UBE2H: variants seen among roughly 807,000 people sequenced by gnomAD.
UBE2H encodes the protein ubiquitin conjugating enzyme E2 H, also known as ubiquitin-conjugating enzyme E2 H.
Under a neutral mutation model 29.0 loss-of-function variants are expected in UBE2H, and 3 were observed. The observed-to-expected ratio is 0.10, with a 90% CI of 0.05 to 0.27. The LOEUF is 0.27. UBE2H is among the 10% of genes least tolerant of loss of function. UBE2H has a pLI of 1.00. For synonymous variants in UBE2H, 69 were observed against 82.9 expected, an observed-to-expected ratio of 0.83 and a Z score of 0.91; for missense variants, 68 against 228.2, an observed-to-expected ratio of 0.30 and a Z score of 4.52.
chr7:129,881,014 C>T (rs375457898), intron 1 of UBE2H, 43 bp from the exon 2 acceptor site: 1 of 1,571,420 alleles, frequency 6.4e-7, no homozygotes, highest in Non-Finnish European at 8.7e-7. Flanking sequence ...TTTACAGTAT[C>T]TGGCAGAATT....
At chr7:129,925,769 A>T (rs1033918395) in intron 1 of UBE2H, among the ~76,000 whole-genome samples, 3 of 152,182 alleles carry the variant, frequency 2.0e-5, no homozygotes, top group Non-Finnish European at 4.4e-5. Context: ...CCACTGCATG[A>T]AACAGTGACG....
At chr7:129,921,216 A>G (rs1307143331) in intron 1 of UBE2H, among the ~76,000 whole-genome samples, 1 of 152,064 alleles carries the variant, frequency 6.6e-6, no homozygotes, top group Non-Finnish European at 1.5e-5. Flanking sequence ...TGAGGGTCCA[A>G]TTGTACTCAT....
intron 3 of UBE2H, among the ~76,000 whole-genome samples, chr7:129,862,618 C>T (rs1173679727): frequency 6.6e-6 from 1 of 151,980 alleles, no homozygotes; most frequent in Non-Finnish European, 1.5e-5. Context: ...CACCTGGTAC[C>T]AAGAGGAGAG....
At chr7:129,923,325 C>A (rs920417427) in intron 1 of UBE2H, among the ~76,000 whole-genome samples, 1 of 152,140 alleles carries the variant, frequency 6.6e-6, no homozygotes, top group Non-Finnish European at 1.5e-5. Context: ...TATGTGGCAG[C>A]TAAAATAAAG....
Position 129,857,531 on chromosome 7 carries a change from T to C in UBE2H, c.278A>G (p.Gln93Arg). The C allele has an allele frequency of 6.2e-7, 1 of 1,612,824 alleles. No individual in the cohort carries two copies. The highest frequency in any genetic ancestry group is 8.5e-7 in the Non-Finnish European group (1 of 1,179,450). The change falls in exon 5 of 7, where the codon CAA becomes CGA. Residue 93 changes from glutamine to arginine, a missense_variant. Transcript: ENST00000355621. ...SGTVCLDVINQTWTALYDLTN... is the reference protein window; with the variant it reads ...SGTVCLDVINRTWTALYDLTN... ...CTCACCATAGAGAGCTGTCCAAGTT[T>C]GATTAATTACATCTAGACACACAGT...
At chr7:129,913,664 T>C (rs1203646835) in intron 1 of UBE2H, among the ~76,000 whole-genome samples, 1 of 152,090 alleles carries the variant, frequency 6.6e-6, no homozygotes. Flanking sequence ...TTTAACTGGG[T>C]GCAGTGGCAT....
rs754711153 is a variant in UBE2H, at chr7:129,935,415, A to G, written c.53+17088T>C. 6.6e-5 allele frequency among the ~76,000 whole-genome samples: 7 copies of G among 106,216 alleles called. No homozygotes were observed. The East Asian group carries it at 2.8e-3, about 43-fold the overall frequency. The allele number at this position is 106,216 out of a possible 152,430, so 69.7% of individuals were successfully genotyped here. A position where few individuals can be genotyped will look rare whatever the true frequency, so the allele number is the denominator to read the frequency against. Reference sequence around the variant, plus strand: ...GCGACAGAGCGAGACTGTCTCAAAGAAAAAAAAAAAAAAAACAGAAAAGAA... The same window carrying G: ...GCGACAGAGCGAGACTGTCTCAAAGGAAAAAAAAAAAAAAACAGAAAAGAA... On this transcript the variant is annotated intron_variant, in intron 1 of 6. Transcript: ENST00000355621.
rs192360718 is a variant in UBE2H, at chr7:129,886,390, A to C, written c.54-5419T>G. ...ATGCCAAACTGTCAAGAGATAAATG[A>C]CATTCTTGGCAAAATGTGTCTGTCA... is the stretch of plus-strand genomic sequence containing the variant. On this transcript the variant is annotated intron_variant, in intron 1 of 6. Transcript: ENST00000355621. Among the ~76,000 whole-genome samples the C allele has an allele frequency of 1.8e-3, 267 of 152,350 alleles. 6 individuals carry two copies. The highest frequency in any genetic ancestry group is 0.016 in the Admixed American group (238 of 15,288).
At chr7:129,849,577 CAAATA>C (rs113431140) in intron 5 of UBE2H, among the ~76,000 whole-genome samples, 1 of 152,028 alleles carries the variant, frequency 6.6e-6, no homozygotes, top group South Asian at 2.1e-4. Flanking sequence ...GACTCCATCT[CAAATA>C]AAATAAAATA....
intron 1 of UBE2H, among the ~76,000 whole-genome samples, chr7:129,927,680 A>T (rs1187595806): frequency 2.6e-5 from 4 of 152,240 alleles, no homozygotes; most frequent in African/African-American, 9.6e-5. Flanking sequence ...GGATGAGTTT[A>T]GGGGACATTA....
At chr7:129,883,964 T>C (rs1000543918) in intron 1 of UBE2H, among the ~76,000 whole-genome samples, 2 of 151,992 alleles carry the variant, frequency 1.3e-5, no homozygotes, top group African/African-American at 2.4e-5. Flanking sequence ...GGCATGGTGG[T>C]ATGCGCCTAT....
At chr7:129,876,533 T>C (rs1158318532) in intron 3 of UBE2H, among the ~76,000 whole-genome samples, 5 of 152,244 alleles carry the variant, frequency 3.3e-5, no homozygotes, top group Non-Finnish European at 2.9e-5. Context: ...AGGAGTTTTA[T>C]ATCTTTTACT....
At chr7:129,886,193 T>G (rs1426980239) in intron 1 of UBE2H, among the ~76,000 whole-genome samples, 1 of 152,248 alleles carries the variant, frequency 6.6e-6, no homozygotes, top group Non-Finnish European at 1.5e-5. Flanking sequence ...TCACAAATAC[T>G]GCTTTATACC....
chr7:129,917,212 T>C (rs934277459), intron 1 of UBE2H, among the ~76,000 whole-genome samples: 1 of 152,128 alleles, frequency 6.6e-6, no homozygotes, highest in Admixed American at 6.6e-5. Context: ...AACAAAAAGT[T>C]CCATTTGCTG....
intron 5 of UBE2H, among the ~76,000 whole-genome samples, chr7:129,855,581 C>A (rs1384128005): frequency 1.3e-5 from 2 of 152,210 alleles, no homozygotes; most frequent in Admixed American, 6.5e-5. Flanking sequence ...AATAGTCGAA[C>A]CCTTATTGTG....
At chr7:129,932,634 C>T (rs560694300) in intron 1 of UBE2H, among the ~76,000 whole-genome samples, 4 of 151,632 alleles carry the variant, frequency 2.6e-5, no homozygotes, top group East Asian at 2.0e-4. Context: ...ATTAGCCGGG[C>T]GTGGTGGTGG....
chr7:129,938,131 C>A (rs910132376), intron 1 of UBE2H, among the ~76,000 whole-genome samples: 16 of 152,024 alleles, frequency 1.1e-4, no homozygotes, highest in Non-Finnish European at 2.2e-4. Context: ...AAATCCATGG[C>A]CAGGCACAAT....
chr7:129,838,641 A>AT (rs1563017883), intron 6 of UBE2H, among the ~76,000 whole-genome samples: 1 of 151,860 alleles, frequency 6.6e-6, no homozygotes, highest in Non-Finnish European at 1.5e-5. Context: ...GGAGCTTTAG[A>AT]TTTTTTTTCT....
chr7:129,912,797 T>C (rs996773711), intron 1 of UBE2H, among the ~76,000 whole-genome samples: 7 of 152,186 alleles, frequency 4.6e-5, no homozygotes, highest in African/African-American at 1.7e-4. Flanking sequence ...CCTACCTCAG[T>C]TTTTCCATTT....
Sources: gnomAD v4.1 joint callset for allele counts (sites outside exome capture counted in the v4.1 genomes callset) on GRCh38, gnomAD v4.1.1 for gene constraint, MANE v1.5 for transcripts, NCBI Gene and HGNC (gene_info 2026-07-23, HGNC 2026-07-21) for gene names.